The following TSPAN10 variants were observed in gnomAD, a reference collection of about 807,000 sequenced individuals.
TSPAN10 encodes tetraspanin-10.
Under a neutral mutation model 15.0 loss-of-function variants are expected in TSPAN10, and 11 were observed. The ratio of observed to expected loss-of-function variants is 0.73; its 90% CI spans 0.46 to 1.21. The LOEUF (loss-of-function observed/expected upper bound fraction) is 1.21, where lower values mean the gene tolerates loss of function less well. Among genes scored for constraint, TSPAN10 ranks in the 50% most tolerant of loss-of-function variants. The pLI is 0.00. For missense variants in TSPAN10, 486 were observed against 470.6 expected (o/e 1.03, Z -0.30); for synonymous variants, 241 against 226.2 (o/e 1.07, Z -0.59).
In TSPAN10 at chr17:81,642,445, C is replaced by G. The variant is rs566416922; in HGVS notation, c.33C>G (p.Ser11=). The G allele has an allele frequency of 4.4e-6, 7 of 1,608,234 alleles. No individual in the cohort carries two copies. The South Asian group carries it at 6.7e-5, about 15-fold the overall frequency. Reference sequence around the variant, plus strand: ...AGGGGGAGAGGAGCCCCTTACTGTCCCAGGTGAGCCATGCCAAGTGGCCTT... The same window carrying G: ...AGGGGGAGAGGAGCCCCTTACTGTCGCAGGTGAGCCATGCCAAGTGGCCTT... The change falls in exon 1 of 3, where the codon TCC becomes TCG. Residue 11 remains serine, a synonymous_variant. Transcript: ENST00000611590.
chr17:81,640,100 A>G (rs2036165303), upstream of TSPAN10, among the ~76,000 whole-genome samples: 1 of 152,068 alleles, frequency 6.6e-6, no homozygotes, highest in South Asian at 2.1e-4. Context: ...CTCCCACCTC[A>G]GCCTCCTCAG....
At chr17:81,644,518 C>A (rs1568179349) in intron 1 of TSPAN10, among the ~76,000 whole-genome samples, 1 of 152,300 alleles carries the variant, frequency 6.6e-6, no homozygotes, top group East Asian at 1.9e-4. Flanking sequence ...TGAGGAAGCC[C>A]CTCTACACAA....
chr17:81,643,734 G>C (rs1350917511), intron 1 of TSPAN10, among the ~76,000 whole-genome samples: 3 of 152,152 alleles, frequency 2.0e-5, no homozygotes, highest in Non-Finnish European at 2.9e-5. Flanking sequence ...AGTGAGCTGA[G>C]AGCCTGATGC....
At chr17:81,645,671 C>T (rs185276772) in intron 2 of TSPAN10, 42 bp downstream of exon 3, 4 of 1,604,688 alleles carry the variant, frequency 2.5e-6, no homozygotes, top group Admixed American at 3.4e-5. Context: ...ACCACAGGGT[C>T]GCAGAGGCCA....
chr17:81,645,151 G>A (rs1357487315), exon 2 of TSPAN10: 1 of 1,565,530 alleles, frequency 6.4e-7, no homozygotes. Flanking sequence ...GAAAGGACCA[G>A]CCCCTTCCCT....
intron 1 of TSPAN10, among the ~76,000 whole-genome samples, chr17:81,644,506 G>A (rs1283202346): frequency 6.6e-6 from 1 of 152,230 alleles, no homozygotes; most frequent in Non-Finnish European, 1.5e-5. Flanking sequence ...CCCTGTGGCT[G>A]GTGAGGAAGC....
At chr17:81,640,880 A>G (rs929713832), upstream of TSPAN10, among the ~76,000 whole-genome samples, 1 of 151,964 alleles carries the variant, frequency 6.6e-6, no homozygotes, top group Non-Finnish European at 1.5e-5. Flanking sequence ...TTAAAAGATT[A>G]CCCAGACTTT....
chr17:81,642,385 C>G (rs1244570423), upstream of TSPAN10: 3 of 1,613,352 alleles, frequency 1.9e-6, no homozygotes, highest in African/African-American at 4.0e-5. Flanking sequence ...GGCGCCTGTG[C>G]TGGGGGCTTT....
At chr17:81,645,095 G>A in exon 2 of TSPAN10, 2 of 1,591,332 alleles carry the variant, frequency 1.3e-6, no homozygotes, top group Non-Finnish European at 1.7e-6. Context: ...GGCTGCAGCT[G>A]CTGTCCCCCG....
intron 1 of TSPAN10, among the ~76,000 whole-genome samples, chr17:81,642,670 G>A (rs1215790883): frequency 6.6e-6 from 1 of 152,192 alleles, no homozygotes; most frequent in Non-Finnish European, 1.5e-5. Context: ...CAAGGGATCT[G>A]CCAGATCTCC....
chr17:81,640,941 G>A (rs919048378), upstream of TSPAN10, among the ~76,000 whole-genome samples: 3 of 152,118 alleles, frequency 2.0e-5, no homozygotes, highest in Non-Finnish European at 2.9e-5. Flanking sequence ...GGGAGGAGGA[G>A]GCGGGCAGAT....
At chr17:81,637,435 A>C, upstream of TSPAN10, 1 of 687,256 alleles carries the variant, frequency 1.5e-6, no homozygotes. Flanking sequence ...TCAGGAAGGC[A>C]GGATCACACC....
At chr17:81,647,750 G>A in intron 2 of TSPAN10, 151 bp from the exon 4 acceptor site, 1 of 753,958 alleles carries the variant, frequency 1.3e-6, no homozygotes, top group Non-Finnish European at 2.2e-6. Flanking sequence ...GTGTGTGCAG[G>A]TGTGTGCGAA....
downstream of TSPAN10, chr17:81,648,335 C>G (rs545741238): frequency 2.0e-4 from 236 of 1,199,208 alleles, no homozygotes; most frequent in Middle Eastern, 2.0e-3. Flanking sequence ...CACAGGGATA[C>G]AGGGGGCGCC....
chr17:81,648,696 T>C (rs998510035), downstream of TSPAN10: 1 of 169,168 alleles, frequency 5.9e-6, no homozygotes, highest in Non-Finnish European at 1.3e-5. Flanking sequence ...TTTGGGGAGA[T>C]AGTAAATGTT....
At chr17:81,639,944 C>T (rs959162019), upstream of TSPAN10, among the ~76,000 whole-genome samples, 41 of 151,486 alleles carry the variant, frequency 2.7e-4, no homozygotes, top group East Asian at 5.8e-4. Context: ...CACGCCACTG[C>T]GCTCCAGCCT....
chr17:81,643,329 C>CATGGTTGCA (rs1433307465), intron 1 of TSPAN10, among the ~76,000 whole-genome samples: 1 of 91,890 alleles, frequency 1.1e-5, no homozygotes, highest in Admixed American at 1.2e-4. Flanking sequence ...ATTACCGGGA[C>CATGGTTGCA]GGCCGGGCGC....
At chr17:81,644,583 T>A (rs944611033) in intron 1 of TSPAN10, among the ~76,000 whole-genome samples, 1 of 152,144 alleles carries the variant, frequency 6.6e-6, no homozygotes, top group South Asian at 2.1e-4. Flanking sequence ...TTTCAAACTC[T>A]GGGGACGCAG....
chr17:81,641,366 TC>T (rs2036175946), upstream of TSPAN10, among the ~76,000 whole-genome samples: 1 of 151,932 alleles, frequency 6.6e-6, no homozygotes, highest in Non-Finnish European at 1.5e-5. Flanking sequence ...CTGCAGCATA[TC>T]CCACTTCTCC....
Sources: gnomAD v4.1 joint callset for allele counts (sites outside exome capture counted in the v4.1 genomes callset) on GRCh38, gnomAD v4.1.1 for gene constraint, MANE v1.5 for transcripts, NCBI Gene and HGNC (gene_info 2026-07-23, HGNC 2026-07-21) for gene names.